Variants in PROKR2 observed in about 807,000 individuals in gnomAD.
PROKR2 encodes prokineticin receptor 2, also known as G protein-coupled receptor 73-like 1.
In PROKR2, 26 loss-of-function variants were observed where a neutral mutation model predicts 23.4. The observed-to-expected ratio is 1.11, with a 90% CI of 0.81 to 1.54. The LOEUF is 1.54. PROKR2 is among the 40% of genes most tolerant of loss of function. The probability of loss-of-function intolerance (pLI) is 0.00; values close to 1 mark genes in which losing one functional copy is unlikely to be tolerated. For missense variants in PROKR2, 453 were observed against 511.5 expected, an observed-to-expected ratio of 0.89 and a Z score of 1.10; for synonymous variants, 212 against 201.2, an observed-to-expected ratio of 1.05 and a Z score of -0.45.
chr20:5,313,768 C>G (rs778079651), intron 2 of PROKR2, 144 bp downstream of exon 2: 13 of 748,200 alleles, frequency 1.7e-5, no homozygotes, highest in Non-Finnish European at 2.5e-5. Flanking sequence ...GGGAACAGAA[C>G]TCAACTGGAG....
chr20:5,305,129 G>A (rs1005217739), intron 2 of PROKR2, among the ~76,000 whole-genome samples: 2 of 69,644 alleles, frequency 2.9e-5, no homozygotes, highest in Non-Finnish European at 6.7e-5. Flanking sequence ...GGAAAACATT[G>A]GGCTAATCAG....
Position 5,302,453 on chromosome 20 carries a change from G to A in PROKR2, c.742C>T (p.Arg248Trp), listed in dbSNP as rs483352766. Residue 248 changes from arginine (R) to tryptophan (W), a missense_variant, in exon 3 of 3, where the codon CGG becomes TGG. Transcript: ENST00000678254. ...GGGACTGCCTTGAACCAGAGCTCCC[G>A]GGAGATCCTGGCATAGCACAGGGTC... ...TMTLCYARISRELWFKAVPGF... is the reference protein window; with the variant it reads ...TMTLCYARISWELWFKAVPGF... 19 of 1,614,076 alleles carry A rather than the reference G, an allele frequency of 1.2e-5. No individual in the cohort carries two copies. Among genetic ancestry groups the A allele is most frequent in the East Asian group, 4.5e-5 (2 of 44,894 alleles).
chr20:5,305,261 T>G (rs762517987), intron 2 of PROKR2, among the ~76,000 whole-genome samples: 1 of 152,216 alleles, frequency 6.6e-6, no homozygotes, highest in Non-Finnish European at 1.5e-5. Flanking sequence ...CCCTGTACAA[T>G]GTCTGTCCCC....
Position 5,302,074 on chromosome 20 carries a change from G to T in PROKR2, c.1121C>A (p.Thr374Asn). 2 of 1,614,162 alleles carry T rather than the reference G, an allele frequency of 1.2e-6. No individual in the cohort carries two copies. Among genetic ancestry groups the T allele is most frequent in the East Asian group, 2.2e-5 (1 of 44,884 alleles). ...CCTGATACAGTCCACCTCTTCTGTG[G>T]TGGGCACCCCGTTGGTTCTGAGGTC... ...DLDLRTNGVP[T>N]TEEVDCIRLK Residue 374 changes from threonine to asparagine, a missense_variant, in exon 3 of 3, where the codon ACC becomes AAC. Coordinates refer to ENST00000678254, the MANE Select transcript of PROKR2 (RefSeq NM_144773.4).
rs1031869398 is a variant in PROKR2 at position 5,300,297 on chromosome 20, G to A, written c.*1743C>T. Reference sequence around the variant, plus strand: ...ACTTCTAAGACCGCAGGGATGCTGAGAGTCTTGGGGTCACTGAGAATCTGA... The same window carrying A: ...ACTTCTAAGACCGCAGGGATGCTGAAAGTCTTGGGGTCACTGAGAATCTGA... On this transcript the variant is annotated 3_prime_UTR_variant, in exon 3 of 3. Transcript: ENST00000678254. 1.3e-5 allele frequency among the ~76,000 whole-genome samples: 2 copies of A among 152,248 alleles called. No homozygotes were observed. Among genetic ancestry groups the A allele is most frequent in the Non-Finnish European group, 2.9e-5 (2 of 68,052 alleles).
rs1189731098 is a variant in PROKR2, at chr20:5,316,607, G to T, written c.-122C>A. Among the ~76,000 whole-genome samples, 1 of 152,238 alleles carries T rather than the reference G, an allele frequency of 6.6e-6. No homozygotes were observed. Among genetic ancestry groups the T allele is most frequent in the Admixed American group, 6.5e-5 (1 of 15,290 alleles). On this transcript the variant is annotated 5_prime_UTR_variant, in exon 1 of 3. Transcript: ENST00000678254. This position sits in a 1 kb window ranked among gnomAD's most constrained non-coding sequence, Gnocchi z 5.0. ...GTTTTCACCTCGAGGACCCGGACTT[G>T]CACTTGCAGAGCCGCTGCGTGGGGG...
intron 2 of PROKR2, among the ~76,000 whole-genome samples, chr20:5,312,736 C>T (rs1472070124): frequency 6.6e-6 from 1 of 152,186 alleles, no homozygotes; most frequent in Non-Finnish European, 1.5e-5. Flanking sequence ...TCCTAATGAG[C>T]ACAGCTTACA....
Position 5,301,204 on chromosome 20 carries a change from G to GGTTGTTGTT in PROKR2, c.*827_*835dup, listed in dbSNP as rs11472556. 1.3e-4 allele frequency among the ~76,000 whole-genome samples: 20 copies of GGTTGTTGTT among 151,426 alleles called. No homozygotes were observed. Among genetic ancestry groups the GGTTGTTGTT allele is most frequent in the South Asian group, 6.3e-4 (3 of 4,782 alleles). On this transcript the variant is annotated 3_prime_UTR_variant, in exon 3 of 3. Coordinates refer to ENST00000678254, the MANE Select transcript of PROKR2 (RefSeq NM_144773.4). Reference sequence around the variant, plus strand: ...CTAAGAGTCTTCTTCTATAGCCGTTGGTTGTTGTTGTTGTTGTTTTGTTGT... The same window carrying GGTTGTTGTT: ...CTAAGAGTCTTCTTCTATAGCCGTTGGTTGTTGTTGTTGTTGTTGTTGTTGTTTTGTTGT...
intron 2 of PROKR2, among the ~76,000 whole-genome samples, chr20:5,311,640 G>A (rs1979447091): frequency 6.6e-6 from 1 of 152,206 alleles, no homozygotes; most frequent in Non-Finnish European, 1.5e-5. Context: ...ATTGCCAAAG[G>A]AGATTAACAT....
rs548394044 is a variant in PROKR2, at chr20:5,308,278, G to A, written c.459-5542C>T. On this transcript the variant is annotated intron_variant, in intron 2 of 2. Transcript: ENST00000678254. ...TGCAGCACCATGACATGTTCATAATGGCCATAATGCCCACGCTGGAAGGTT... is the reference window on the plus strand; with the variant it reads ...TGCAGCACCATGACATGTTCATAATAGCCATAATGCCCACGCTGGAAGGTT... 4.0e-5 allele frequency among the ~76,000 whole-genome samples: 6 copies of A among 150,892 alleles called. No individual in the cohort carries two copies. In the East Asian group the frequency reaches 1.2e-3, roughly 29 times the overall value.
chr20:5,306,713 A>C (rs1449428835), intron 2 of PROKR2, among the ~76,000 whole-genome samples: 3 of 152,258 alleles, frequency 2.0e-5, no homozygotes, highest in Admixed American at 2.0e-4. Context: ...ACCGTTAATT[A>C]AAAATGCTCA....
At chr20:5,308,690 C>T (rs1979321144) in intron 2 of PROKR2, among the ~76,000 whole-genome samples, 1 of 152,162 alleles carries the variant, frequency 6.6e-6, no homozygotes, top group South Asian at 2.1e-4. Context: ...GGTAGGGTCT[C>T]CCCGACCGAG....
rs149123899 is a variant in PROKR2, at chr20:5,314,220, G to A, written c.150C>T (p.Phe50=). 1.4e-4 allele frequency: 221 copies of A among 1,614,208 alleles called. No homozygotes were observed. In the African/African-American group the frequency reaches 2.0e-3, roughly 15 times the overall value. Residue 50 remains phenylalanine (F), a synonymous_variant, in exon 2 of 3, where the codon TTC becomes TTT. Transcript: ENST00000678254. ...CAATGCCAATGACGATCTTGGCTGC[G>A]AAGAAGGTCCGGGTCTTGGTCATGT... The part of the protein sequence containing the change: ...DEDMTKTRTF[F]AAKIVIGIAL...
chr20:5,311,219 A>G (rs775894563), intron 2 of PROKR2, among the ~76,000 whole-genome samples: 6 of 152,238 alleles, frequency 3.9e-5, no homozygotes, highest in Non-Finnish European at 8.8e-5. Context: ...TAAGAGATAA[A>G]GCTGGAAGGA....
In PROKR2 at chr20:5,307,575, A is replaced by G. The variant is rs547534757; in HGVS notation, c.459-4839T>C. On this transcript the variant is annotated intron_variant, in intron 2 of 2. Coordinates refer to ENST00000678254, the MANE Select transcript of PROKR2 (RefSeq NM_144773.4). ...GCAGAACGGGCAGAGGTGCTGCGCA[A>G]CGAATCCTATGGAATCATTATTGAT... is the stretch of plus-strand genomic sequence containing the variant. Among the ~76,000 whole-genome samples the G allele has an allele frequency of 1.2e-4, 18 of 152,392 alleles. No homozygotes were observed. The South Asian group carries it at 3.7e-3, about 32-fold the overall frequency.
intron 2 of PROKR2, among the ~76,000 whole-genome samples, chr20:5,311,645 T>G (rs965997661): frequency 6.6e-6 from 1 of 152,192 alleles, no homozygotes; most frequent in South Asian, 2.1e-4. Context: ...CAAAGGAGAT[T>G]AACATTTGAG....
intron 2 of PROKR2, among the ~76,000 whole-genome samples, chr20:5,309,225 G>C (rs533183458): frequency 2.0e-5 from 3 of 152,180 alleles, no homozygotes; most frequent in African/African-American, 7.2e-5. Flanking sequence ...GTCTCCTATT[G>C]CTGCTTGTAA....
rs1278223473 is a variant in PROKR2, at chr20:5,299,572, G to A, written c.*2468C>T. Among the ~76,000 whole-genome samples the A allele has an allele frequency of 6.6e-6, 1 of 151,682 alleles. No individual in the cohort carries two copies. The highest frequency in any genetic ancestry group is 1.5e-5 in the Non-Finnish European group (1 of 67,906). On this transcript the variant is annotated 3_prime_UTR_variant, in exon 3 of 3. Coordinates refer to ENST00000678254, the MANE Select transcript of PROKR2 (RefSeq NM_144773.4). ...CAAAGCCAAGCAAGTAAGAATTTTT[G>A]TAAATCAGAATTAACAGTTTTGCTT... is the stretch of plus-strand genomic sequence containing the variant.
intron 2 of PROKR2, among the ~76,000 whole-genome samples, chr20:5,307,980 G>T (rs953341646): frequency 6.6e-6 from 1 of 152,220 alleles, no homozygotes; most frequent in Non-Finnish European, 1.5e-5. Flanking sequence ...TAAAGGAGCT[G>T]CAGACAGGTT....
Sources: gnomAD v4.1 joint callset for allele counts (sites outside exome capture counted in the v4.1 genomes callset) on GRCh38, gnomAD v4.1.1 for gene constraint, Gnocchi (gnomAD v3.1) non-coding constraint, MANE v1.5 for transcripts, NCBI Gene and HGNC (gene_info 2026-07-23, HGNC 2026-07-21) for gene names.